KRT8: variants seen among roughly 807,000 people sequenced by gnomAD.
The protein encoded by KRT8 is keratin, type II cytoskeletal 8.
KRT8 carries 24 observed loss-of-function variants against 43.0 expected under a neutral mutation model. That is an observed-to-expected ratio of 0.56 (90% CI 0.40 to 0.78). The LOEUF is 0.78. KRT8 is among the 30% of genes least tolerant of loss of function. The probability of loss-of-function intolerance (pLI) is 0.00; values close to 1 mark genes in which losing one functional copy is unlikely to be tolerated. For synonymous variants in KRT8, 214 were observed against 261.2 expected (o/e 0.82, Z 1.74); for missense variants, 492 against 638.4 (o/e 0.77, Z 2.47).
exon 8 of KRT8, chr12:52,897,469 C>A (rs1358146401): frequency 6.3e-7 from 1 of 1,599,310 alleles, no homozygotes; most frequent in Non-Finnish European, 8.5e-7. Flanking sequence ...ACCAGCTTCC[C>A]ATCACGTGTC....
chr12:52,909,180 G>A (rs1941582289), upstream of KRT8, among the ~76,000 whole-genome samples: 1 of 152,128 alleles, frequency 6.6e-6, no homozygotes. Context: ...GCATAAATGA[G>A]CTACATATAA....
At chr12:52,942,072 T>A (rs1345187108) in intron 2 of KRT8, among the ~76,000 whole-genome samples, 1 of 152,086 alleles carries the variant, frequency 6.6e-6, no homozygotes, top group African/African-American at 2.4e-5. Flanking sequence ...CTAATAATAA[T>A]CTCCTTGATT....
chr12:52,906,836 C>T, upstream of KRT8: 1 of 453,108 alleles, frequency 2.2e-6, no homozygotes, highest in Non-Finnish European at 4.4e-6. Context: ...TCTTCCCCAT[C>T]CTTCTCTAGG....
upstream of KRT8, among the ~76,000 whole-genome samples, chr12:52,908,995 C>G (rs556646215): frequency 2.0e-5 from 3 of 152,008 alleles, no homozygotes; most frequent in Admixed American, 6.6e-5. Context: ...GCGTGGGAGA[C>G]AGAGTGAAAC....
chr12:52,903,918 G>A (rs1392974827), intron 1 of KRT8, among the ~76,000 whole-genome samples: 2 of 140,244 alleles, frequency 1.4e-5, no homozygotes, highest in African/African-American at 5.3e-5. Context: ...CCGCCAGGTG[G>A]AGGAGAGCGT....
chr12:52,917,379 A>G (rs948421266), intron 2 of KRT8, among the ~76,000 whole-genome samples: 19 of 148,620 alleles, frequency 1.3e-4, no homozygotes, highest in African/African-American at 4.7e-4. Context: ...TCCAACCTGG[A>G]CAAGAGTGAA....
At chr12:52,928,669 C>T (rs190033913) in intron 2 of KRT8, among the ~76,000 whole-genome samples, 14 of 152,308 alleles carry the variant, frequency 9.2e-5, no homozygotes, top group South Asian at 2.1e-4. Flanking sequence ...CTTTGGGAGT[C>T]CGAGGTGTGT....
At chr12:52,949,152 C>T (rs1356710580) in intron 2 of KRT8, 3 of 1,609,110 alleles carry the variant, frequency 1.9e-6, no homozygotes, top group Admixed American at 3.3e-5. Flanking sequence ...TGAGTCCTGT[C>T]CTTTCTCTCT....
At chr12:52,904,714 G>C (rs958536238) in exon 1 of KRT8, 6 of 1,612,840 alleles carry the variant, frequency 3.7e-6, no homozygotes, top group Non-Finnish European at 8.5e-7. Context: ...TCCTTCTCCT[G>C]GGTGCGCACG....
At chr12:52,927,688 G>A (rs1565729377) in intron 2 of KRT8, among the ~76,000 whole-genome samples, 1 of 152,210 alleles carries the variant, frequency 6.6e-6, no homozygotes, top group African/African-American at 2.4e-5. Flanking sequence ...AGTCCTGAGG[G>A]GGAAGCCACC....
intron 2 of KRT8, among the ~76,000 whole-genome samples, chr12:52,919,353 G>A (rs537232108): frequency 2.0e-5 from 3 of 152,102 alleles, no homozygotes; most frequent in African/African-American, 7.2e-5. Context: ...TGCAACCTTC[G>A]CTTCCCGGGT....
chr12:52,898,341 C>T (rs1327294234), intron 7 of KRT8, 120 bp downstream of exon 7: 1 of 827,066 alleles, frequency 1.2e-6, no homozygotes, highest in East Asian at 2.7e-5. Context: ...AGGATTCTCC[C>T]AAGAACATGA....
intron 2 of KRT8, among the ~76,000 whole-genome samples, chr12:52,932,964 G>T (rs72648110): frequency 0.085 from 12,951 of 152,228 alleles, 700 homozygotes; most frequent in East Asian, 0.24. Context: ...TTATTTTAGA[G>T]ATGAAGTCTT....
rs752507895 is a variant in KRT8, at chr12:52,904,684, T to C, written c.298A>G (p.Asn100Asp). The stretch of plus-strand genomic sequence containing the variant: ...TTGTCTATGAAGGAGGCAAACTTGT[T>C]GTTGAGGGTCTTGATCTGCTCCTTC... Residue 100 changes from asparagine (N) to aspartate (D), a missense_variant, in exon 1 of 8, where the codon AAC becomes GAC. Around this residue, in one of 3 missense-constraint regions of KRT8, gnomAD observed 19 missense variants for 55.1 expected, o/e 0.34. Coordinates refer to ENST00000692008, the Ensembl canonical transcript of KRT8. 6 of 1,612,738 alleles carry C rather than the reference T, an allele frequency of 3.7e-6. No homozygotes were observed. In the East Asian group the frequency reaches 1.3e-4, roughly 36 times the overall value.
At chr12:52,945,726 G>A (rs1422984956) in intron 2 of KRT8, among the ~76,000 whole-genome samples, 1 of 152,136 alleles carries the variant, frequency 6.6e-6, no homozygotes, top group African/African-American at 2.4e-5. Flanking sequence ...CTGATGGTGG[G>A]TGGAGAACCA....
Position 52,897,393 on chromosome 12 carries a change from A to T in KRT8, c.*35T>A, listed in dbSNP as rs1335514586. 6.4e-6 allele frequency: 10 copies of T among 1,570,928 alleles called. No individual in the cohort carries two copies. In the East Asian group the frequency reaches 2.2e-4, roughly 35 times the overall value. On this transcript the variant is annotated 3_prime_UTR_variant, in exon 8 of 8. Transcript: ENST00000692008. Reference sequence around the variant, plus strand: ...TCCTTCCCAGGCTCTGGGGCAGCGCAGGAGGGGTAGGCTGGGAGGGGCTGC... The same window carrying T: ...TCCTTCCCAGGCTCTGGGGCAGCGCTGGAGGGGTAGGCTGGGAGGGGCTGC...
chr12:52,936,095 T>C (rs1025286429), intron 2 of KRT8, among the ~76,000 whole-genome samples: 4 of 151,622 alleles, frequency 2.6e-5, no homozygotes, highest in African/African-American at 7.3e-5. Context: ...GTACTCAAAA[T>C]ACAAAAATTA....
At chr12:52,914,647 C>A (rs1941701045) in intron 2 of KRT8, among the ~76,000 whole-genome samples, 1 of 152,216 alleles carries the variant, frequency 6.6e-6, no homozygotes, top group South Asian at 2.1e-4. Context: ...CCAAAGGATA[C>A]ACATTCTTGA....
At chr12:52,941,199 T>A (rs540263788) in intron 2 of KRT8, among the ~76,000 whole-genome samples, 1 of 151,758 alleles carries the variant, frequency 6.6e-6, no homozygotes, top group African/African-American at 2.4e-5. Context: ...CCCGAGTAGC[T>A]GGGATTACAG....
Sources: allele counts gnomAD v4.1 joint callset (sites outside exome capture counted in the v4.1 genomes callset), GRCh38; gene constraint gnomAD v4.1.1; regional missense constraint gnomAD v4.1.1; transcripts MANE v1.5; gene names NCBI Gene and HGNC (gene_info 2026-07-23, HGNC 2026-07-21).